The following ACSS1 variants were observed in gnomAD, a reference collection of about 807,000 sequenced individuals.
The protein encoded by ACSS1 is acyl-CoA synthetase short chain family member 1.
In ACSS1, 42 loss-of-function variants were observed where a neutral mutation model predicts 75.3. The ratio of observed to expected loss-of-function variants is 0.56; its 90% confidence interval spans 0.44 to 0.72. ACSS1 has a LOEUF of 0.72. Ranked by LOEUF, ACSS1 falls within the 30% of genes least tolerant of loss-of-function variation. The pLI is 0.00. For missense variants in ACSS1, 782 were observed against 935.7 expected (o/e 0.84, Z 2.14); for synonymous variants, 380 against 376.8 (o/e 1.01, Z -0.10).
At chr20:25,019,879 C>T (rs2088587282) in intron 7 of ACSS1, 131 bp downstream of exon 7, 5 of 1,333,864 alleles carry the variant, frequency 3.7e-6, no homozygotes, top group Non-Finnish European at 3.1e-6. Context: ...CTACCAGATC[C>T]GGTCTGGCAT....
intron 1 of ACSS1, among the ~76,000 whole-genome samples, chr20:25,054,787 G>T (rs149593205): frequency 1.8e-4 from 27 of 152,368 alleles, no homozygotes; most frequent in African/African-American, 5.0e-4. Context: ...GGACTGAGCT[G>T]CATGAGGCCC....
rs1203172100 is a variant in ACSS1, at chr20:25,007,331, A to C, written c.*431T>G. The C allele has an allele frequency of 9.3e-7, 1 of 1,072,740 alleles. No individual in the cohort carries two copies. Among genetic ancestry groups the C allele is most frequent in the African/African-American group, 1.7e-5 (1 of 60,202 alleles). 66.5% of individuals were successfully genotyped at this position (1,072,740 alleles called of 1,614,324 possible). ...GTGTTGCATGCTGTTCTTCCACAAT[A>C]TAAAAGTATAAAAATAAGATTTCTG... On this transcript the variant is annotated 3_prime_UTR_variant, in exon 14 of 14. Transcript: ENST00000323482.
At chr20:25,030,300 T>C (rs1447804150) in intron 3 of ACSS1, among the ~76,000 whole-genome samples, 1 of 152,170 alleles carries the variant, frequency 6.6e-6, no homozygotes, top group Non-Finnish European at 1.5e-5. Context: ...CAAAACACAC[T>C]GACCCACATG....
At chr20:25,023,803 CTT>C (rs1159672274) in intron 3 of ACSS1, among the ~76,000 whole-genome samples, 162 bp from the exon 4 acceptor site, 8 of 152,170 alleles carry the variant, frequency 5.3e-5, no homozygotes, top group African/African-American at 1.4e-4. Context: ...GCTCTCCAGC[CTT>C]TGTGTGCCAT....
intron 6 of ACSS1, among the ~76,000 whole-genome samples, chr20:25,020,427 G>A (rs879650406): frequency 6.6e-6 from 1 of 152,240 alleles, no homozygotes; most frequent in Admixed American, 6.5e-5. Flanking sequence ...CTAGTTCAAG[G>A]TGATACTACG....
chr20:25,015,333 CTGAG>C (rs2088497615), intron 7 of ACSS1, 103 bp from the exon 8 acceptor site: 1 of 935,962 alleles, frequency 1.1e-6, no homozygotes, highest in South Asian at 1.7e-5. Flanking sequence ...TTCTTTGAGA[CTGAG>C]TCTCACTCTG....
At chr20:25,018,128 AGT>A (rs1219088377) in intron 7 of ACSS1, among the ~76,000 whole-genome samples, 1 of 152,254 alleles carries the variant, frequency 6.6e-6, no homozygotes, top group Non-Finnish European at 1.5e-5. Context: ...CCATTGTAAC[AGT>A]ATTAAGAGGT....
At chr20:25,045,343 C>T (rs1320272109) in intron 2 of ACSS1, among the ~76,000 whole-genome samples, 1 of 152,164 alleles carries the variant, frequency 6.6e-6, no homozygotes, top group Non-Finnish European at 1.5e-5. Context: ...ATTGCAAATC[C>T]TCCACTTGCA....
intron 7 of ACSS1, 65 bp from the exon 8 acceptor site, chr20:25,015,295 T>C (rs2088496977): frequency 7.9e-7 from 1 of 1,272,634 alleles, no homozygotes; most frequent in African/African-American, 1.5e-5. Context: ...CAAAGGGAAG[T>C]TTTGTTTTTT....
intron 13 of ACSS1, 96 bp from the exon 14 acceptor site, chr20:25,008,037 G>A: frequency 7.0e-7 from 1 of 1,438,304 alleles, no homozygotes; most frequent in Non-Finnish European, 9.3e-7. Context: ...TGCTCAGGGG[G>A]GATGCCCTCC....
intron 1 of ACSS1, among the ~76,000 whole-genome samples, chr20:25,048,733 G>A (rs2089134864): frequency 6.6e-6 from 1 of 152,234 alleles, no homozygotes. Context: ...CTTGTTCCAA[G>A]AAGTGGCTCG....
chr20:25,011,901 C>A (rs1440373133), intron 12 of ACSS1: 1 of 152,784 alleles, frequency 6.5e-6, no homozygotes, highest in African/African-American at 2.4e-5. Flanking sequence ...GTCTGCCCAG[C>A]AGTGCCCTGG....
chr20:25,032,369 C>T (rs765335306), intron 2 of ACSS1: 3 of 1,354,522 alleles, frequency 2.2e-6, no homozygotes, highest in Non-Finnish European at 9.5e-7. Flanking sequence ...GCCAACTTGC[C>T]GGCCATGCGG....
chr20:25,026,322 C>T (rs567843001), intron 3 of ACSS1, among the ~76,000 whole-genome samples: 17 of 152,192 alleles, frequency 1.1e-4, no homozygotes, highest in African/African-American at 3.1e-4. Flanking sequence ...AGAATGGCCA[C>T]GGACTGGTTC....
intron 2 of ACSS1, among the ~76,000 whole-genome samples, chr20:25,041,366 T>C (rs2089001490): frequency 6.6e-6 from 1 of 152,150 alleles, no homozygotes. Flanking sequence ...CCTCTGACCC[T>C]GGGTTTAAGA....
intron 2 of ACSS1, among the ~76,000 whole-genome samples, chr20:25,038,694 T>C (rs2088955285): frequency 6.6e-6 from 1 of 152,064 alleles, no homozygotes; most frequent in Non-Finnish European, 1.5e-5. Flanking sequence ...CCAAGGCAGG[T>C]GCTGAGGGCG....
Position 25,027,744 on chromosome 20 carries a change from A to G in ACSS1, c.631+3015T>C, listed in dbSNP as rs114303863. 1.8e-3 allele frequency among the ~76,000 whole-genome samples: 278 copies of G among 151,688 alleles called. 1 individual carries two copies. Among genetic ancestry groups the G allele is most frequent in the African/African-American group, 6.4e-3 (266 of 41,310 alleles). On this transcript the variant is annotated intron_variant, in intron 3 of 13. Coordinates refer to ENST00000323482, the MANE Select transcript of ACSS1 (RefSeq NM_032501.4). ...GCCCACTTTTCACCACTGCAATTCA[A>G]CATTGTAAACAAAGTTGTTGCCAGA...
chr20:25,021,471 T>C lies in ACSS1; in HGVS notation c.1026A>G (p.Gly342=). ...GAGGCCCATACACCACGTAGCTGTGTCCTGTAATCCAACCGATGTCGGCCA... is the reference window on the plus strand; with the variant it reads ...GAGGCCCATACACCACGTAGCTGTGCCCTGTAATCCAACCGATGTCGGCCA... ...GCVADIGWIT[G]HSYVVYGPLC... is the part of the protein sequence containing the mutation. Residue 342 remains glycine, a synonymous_variant, in exon 6 of 14, where the codon GGA becomes GGG. Transcript: ENST00000323482. 1.2e-6 allele frequency: 2 copies of C among 1,614,196 alleles called. No individual in the cohort carries two copies. Among genetic ancestry groups the C allele is most frequent in the Non-Finnish European group, 1.7e-6 (2 of 1,180,028 alleles).
chr20:25,022,809 G>A, intron 5 of ACSS1, 131 bp downstream of exon 5: 1 of 1,305,082 alleles, frequency 7.7e-7, no homozygotes, highest in Non-Finnish European at 1.0e-6. Flanking sequence ...AGGGGGCCCT[G>A]CCCCGAATAG....
Sources: allele counts gnomAD v4.1 joint callset (sites outside exome capture counted in the v4.1 genomes callset), GRCh38; gene constraint gnomAD v4.1.1; transcripts MANE v1.5; gene names NCBI Gene and HGNC (gene_info 2026-07-23, HGNC 2026-07-21).